TENM1: variants seen among roughly 807,000 people sequenced by gnomAD.
TENM1 encodes teneurin transmembrane protein 1.
In TENM1, 35 loss-of-function variants were observed where a neutral mutation model predicts 174.8. The ratio of observed to expected loss-of-function variants is 0.20; its 90% CI spans 0.15 to 0.27. TENM1 has a LOEUF of 0.27. TENM1 is among the 10% of genes least tolerant of loss of function. The probability of loss-of-function intolerance (pLI) is 1.00; values close to 1 mark genes in which losing one functional copy is unlikely to be tolerated. For missense variants in TENM1, 1,633 were observed against 2,130.1 expected, an observed-to-expected ratio of 0.77 and a Z score of 4.59; for synonymous variants, 781 against 798.7, an observed-to-expected ratio of 0.98 and a Z score of 0.37.
chrX:124,528,249 T>A (rs1405435200), intron 16 of TENM1, among the ~76,000 whole-genome samples: 1 of 111,085 alleles, frequency 9.0e-6, no homozygotes, highest in Admixed American at 9.6e-5. Flanking sequence ...GGCATTTCAC[T>A]TAAAACTAAA....
At chrX:124,414,737 C>G (rs1160452619) in intron 25 of TENM1, among the ~76,000 whole-genome samples, 1 of 111,399 alleles carries the variant, frequency 9.0e-6, no homozygotes, top group Non-Finnish European at 1.9e-5. Flanking sequence ...TTTTAAAATC[C>G]CATTTGGATT....
chrX:125,055,769 T>C, the TENM1 span, among the ~76,000 whole-genome samples: 36 of 111,562 alleles, frequency 3.2e-4, no homozygotes, highest in African/African-American at 1.0e-3. Context: ...TGAACAATTA[T>C]GTATTTAAAA....
chrX:124,784,132 C>A (rs1475409619), intron 3 of TENM1, among the ~76,000 whole-genome samples: 1 of 112,194 alleles, frequency 8.9e-6, no homozygotes, highest in African/African-American at 3.2e-5. Flanking sequence ...CACAAAATAA[C>A]AATCACAATG....
At chrX:124,432,302 A>G (rs1402151761) in intron 23 of TENM1, among the ~76,000 whole-genome samples, 1 of 112,301 alleles carries the variant, frequency 8.9e-6, no homozygotes, top group East Asian at 2.8e-4. Context: ...ACAAAATGTT[A>G]AATTTGTGGT....
chrX:124,739,679 T>C (rs957485862), intron 3 of TENM1, among the ~76,000 whole-genome samples: 2 of 112,251 alleles, frequency 1.8e-5, no homozygotes, highest in African/African-American at 6.5e-5. Flanking sequence ...TGCCATAAAT[T>C]TGATCCCTGA....
chrX:124,962,011 T>C (rs1477782477), intron 1 of TENM1, among the ~76,000 whole-genome samples: 5 of 111,656 alleles, frequency 4.5e-5, no homozygotes, highest in Admixed American at 3.8e-4. Flanking sequence ...ACTGATTAGA[T>C]ATAGTAAGTA....
At chrX:124,581,792 A>AT (rs1247055440) in intron 11 of TENM1, among the ~76,000 whole-genome samples, 1 of 111,948 alleles carries the variant, frequency 8.9e-6, no homozygotes, top group Admixed American at 9.5e-5. Flanking sequence ...CTGATGATTA[A>AT]TGATGTGGAG....
At chrX:124,914,042 G>T (rs1041637811) in intron 1 of TENM1, among the ~76,000 whole-genome samples, 9 of 111,557 alleles carry the variant, frequency 8.1e-5, no homozygotes, top group African/African-American at 2.9e-4. Flanking sequence ...CTTGACCATG[G>T]TCACCATTCC....
intron 11 of TENM1, among the ~76,000 whole-genome samples, chrX:124,584,725 A>C (rs943668468): frequency 1.8e-5 from 2 of 111,711 alleles, no homozygotes; most frequent in Non-Finnish European, 3.8e-5. Flanking sequence ...GCTCCAATTA[A>C]AAGACACAGA....
At chrX:124,887,403 T>C (rs1288434554) in intron 3 of TENM1, among the ~76,000 whole-genome samples, 1 of 111,348 alleles carries the variant, frequency 9.0e-6, no homozygotes, top group African/African-American at 3.3e-5. Context: ...TGGGGAATTA[T>C]ATATAATACA....
the TENM1 span, among the ~76,000 whole-genome samples, chrX:125,054,800 G>C: frequency 3.6e-5 from 4 of 111,482 alleles, no homozygotes; most frequent in African/African-American, 1.3e-4. Context: ...GGAGGCGAGG[G>C]TAACATTTTT....
chrX:124,854,780 T>C (rs896108606), intron 3 of TENM1, among the ~76,000 whole-genome samples: 2 of 111,195 alleles, frequency 1.8e-5, no homozygotes, highest in African/African-American at 6.5e-5. Flanking sequence ...TTTGGAAAAA[T>C]AGTGGAAAAC....
chrX:124,514,535 C>T (rs1430111381), intron 18 of TENM1, among the ~76,000 whole-genome samples: 1 of 110,821 alleles, frequency 9.0e-6, no homozygotes, highest in Non-Finnish European at 1.9e-5. Flanking sequence ...ACTGACTCCA[C>T]AGAAATGTAA....
At chrX:124,890,546 C>T (rs1347948413) in intron 3 of TENM1, among the ~76,000 whole-genome samples, 3 of 112,045 alleles carry the variant, frequency 2.7e-5, no homozygotes, top group African/African-American at 6.5e-5. Context: ...CAGAAGAAGA[C>T]ACATGAATGG....
intron 18 of TENM1, among the ~76,000 whole-genome samples, chrX:124,509,759 T>C: frequency 9.7e-6 from 1 of 103,413 alleles, no homozygotes; most frequent in Non-Finnish European, 2.0e-5. Context: ...TCACTCTTGT[T>C]GCCCAGGCTG....
At chrX:124,508,469 C>CATG (rs1209362013) in intron 18 of TENM1, among the ~76,000 whole-genome samples, 1 of 112,311 alleles carries the variant, frequency 8.9e-6, no homozygotes, top group Non-Finnish European at 1.9e-5. Flanking sequence ...TTTACCTGGA[C>CATG]ATGATGTATT....
intron 16 of TENM1, among the ~76,000 whole-genome samples, chrX:124,525,016 C>A (rs1217729329): frequency 8.9e-6 from 1 of 111,781 alleles, no homozygotes; most frequent in Non-Finnish European, 1.9e-5. Flanking sequence ...CAGCAAAACA[C>A]TTTTTCAACG....
At chrX:125,132,669 G>C in the TENM1 span, among the ~76,000 whole-genome samples, 308 of 111,761 alleles carry the variant, frequency 2.8e-3, 2 homozygotes, top group African/African-American at 9.8e-3. Flanking sequence ...TCCTATGATT[G>C]ATTGTAGGTA....
chrX:124,902,932 C>T (rs1234804595), intron 1 of TENM1, among the ~76,000 whole-genome samples: 1 of 112,038 alleles, frequency 8.9e-6, no homozygotes, highest in Non-Finnish European at 1.9e-5. Flanking sequence ...CCACACAGAG[C>T]CTTTTTAAGC....
Sources: gnomAD v4.1 joint callset for allele counts (sites outside exome capture counted in the v4.1 genomes callset) on GRCh38, gnomAD v4.1.1 for gene constraint, MANE v1.5 for transcripts, NCBI Gene and HGNC (gene_info 2026-07-23, HGNC 2026-07-21) for gene names.